The following CCDC149 variants were observed in gnomAD, a reference collection of about 807,000 sequenced individuals.
CCDC149 encodes coiled-coil domain-containing protein 149.
Under a neutral mutation model 59.9 loss-of-function variants are expected in CCDC149, and 45 were observed. The observed-to-expected ratio is 0.75, with a 90% CI of 0.59 to 0.96. CCDC149 has a LOEUF of 0.96. CCDC149 is among the 40% of genes least tolerant of loss of function. The pLI is 0.00. For missense variants in CCDC149, 584 were observed against 664.7 expected, an observed-to-expected ratio of 0.88 and a Z score of 1.33; for synonymous variants, 245 against 260.6, an observed-to-expected ratio of 0.94 and a Z score of 0.58.
At chr4:24,952,595 CAAAAAAAAA>C (rs869310845) in intron 1 of CCDC149, among the ~76,000 whole-genome samples, 2 of 41,412 alleles carry the variant, frequency 4.8e-5, no homozygotes, top group African/African-American at 2.5e-4. Context: ...AACTCCATCT[CAAAAAAAAA>C]AAAAAAAAAA....
In CCDC149 at chr4:24,876,690, A is replaced by G. The variant is rs2109248889; in HGVS notation, c.71T>C (p.Val24Ala). The change falls in exon 2 of 13, where the codon GTG (valine) becomes GCG (alanine). Residue 24 changes from valine to alanine, a missense_variant. Transcript: ENST00000635206. ...CTTACTCTCCAGCTTCCTCTTACAC[A>G]CCAGGTACTGCAAAGCAAACAAATC... The G allele has an allele frequency of 6.2e-7, 1 of 1,610,466 alleles. No individual in the cohort carries two copies. The highest frequency in any genetic ancestry group is 1.1e-5 in the South Asian group (1 of 90,370).
intron 1 of CCDC149, among the ~76,000 whole-genome samples, chr4:24,893,613 C>CTTTTTTT (rs3066508): frequency 0.1 from 6,884 of 65,674 alleles, 2,211 homozygotes; most frequent in South Asian, 0.14. Flanking sequence ...AAAATACAGA[C>CTTTTTTT]TTTTTTTTTT....
chr4:24,810,138 T>A (rs759765269), intron 12 of CCDC149, among the ~76,000 whole-genome samples: 7 of 152,112 alleles, frequency 4.6e-5, no homozygotes, highest in Non-Finnish European at 8.8e-5. Flanking sequence ...AAATAAATCC[T>A]CCCAGCTAAC....
intron 1 of CCDC149, among the ~76,000 whole-genome samples, chr4:24,924,000 T>C (rs1437220815): frequency 6.6e-6 from 1 of 152,156 alleles, no homozygotes; most frequent in Non-Finnish European, 1.5e-5. Context: ...AAGTGTGTTT[T>C]AGCATGTGGG....
intron 9 of CCDC149, chr4:24,830,403 C>T (rs1716065460): frequency 6.6e-6 from 1 of 152,248 alleles, no homozygotes; most frequent in African/African-American, 2.4e-5. Flanking sequence ...CTTCTCCTGT[C>T]AATAAATTAC....
chr4:24,941,414 T>C (rs1722950650), intron 1 of CCDC149, among the ~76,000 whole-genome samples: 1 of 152,150 alleles, frequency 6.6e-6, no homozygotes, highest in Non-Finnish European at 1.5e-5. Context: ...GAGGGAAATT[T>C]ATAGCACTAA....
At chr4:24,905,408 T>TGC (rs1233814880) in intron 1 of CCDC149, among the ~76,000 whole-genome samples, 1 of 70,494 alleles carries the variant, frequency 1.4e-5, no homozygotes, top group Admixed American at 1.6e-4. Context: ...TCTTTTTGCG[T>TGC]GCGTGCGTGT....
intron 12 of CCDC149, among the ~76,000 whole-genome samples, chr4:24,810,046 C>G (rs1004552615): frequency 1.3e-5 from 2 of 152,184 alleles, no homozygotes; most frequent in African/African-American, 4.8e-5. Flanking sequence ...TCATTTCACA[C>G]AGTTTCATCA....
intron 8 of CCDC149, among the ~76,000 whole-genome samples, chr4:24,833,044 C>A (rs565574061): frequency 1.3e-5 from 2 of 152,194 alleles, no homozygotes; most frequent in East Asian, 3.9e-4. Context: ...GGTGCTCCTG[C>A]GTATGTGTCC....
intron 3 of CCDC149, among the ~76,000 whole-genome samples, chr4:24,863,248 C>T (rs1718493994): frequency 6.6e-6 from 1 of 152,306 alleles, no homozygotes; most frequent in Non-Finnish European, 1.5e-5. Context: ...GCCGAGATCA[C>T]ACCACTGCAC....
intron 1 of CCDC149, among the ~76,000 whole-genome samples, chr4:24,897,497 G>C (rs1462151378): frequency 6.6e-6 from 1 of 152,146 alleles, no homozygotes. Flanking sequence ...AGTAATTAAT[G>C]AAATGGAAAG....
chr4:24,821,434 T>C (rs1189366769), intron 10 of CCDC149, among the ~76,000 whole-genome samples: 1 of 152,228 alleles, frequency 6.6e-6, no homozygotes, highest in African/African-American at 2.4e-5. Context: ...ACATGGATCA[T>C]TCAAATCCCC....
chr4:24,974,006 TGC>T (rs1023721369), intron 1 of CCDC149, among the ~76,000 whole-genome samples: 2 of 152,356 alleles, frequency 1.3e-5, no homozygotes, highest in Admixed American at 6.5e-5. Flanking sequence ...CACGGTCAGT[TGC>T]GCCTCTGCTT....
intron 1 of CCDC149, among the ~76,000 whole-genome samples, chr4:24,964,129 G>C (rs921894131): frequency 4.0e-5 from 6 of 149,256 alleles, no homozygotes; most frequent in Non-Finnish European, 5.9e-5. Flanking sequence ...AGGAGGTGGA[G>C]GCTGGCATGA....
intron 1 of CCDC149, among the ~76,000 whole-genome samples, chr4:24,968,008 G>A (rs1723848129): frequency 6.6e-6 from 1 of 152,174 alleles, no homozygotes; most frequent in South Asian, 2.1e-4. Context: ...TAGCCCAGAT[G>A]ATAAAACCAC....
At chr4:24,883,171 T>G (rs1187480050) in intron 1 of CCDC149, among the ~76,000 whole-genome samples, 2 of 150,702 alleles carry the variant, frequency 1.3e-5, no homozygotes, top group East Asian at 3.9e-4. Flanking sequence ...TTGTGGGTCA[T>G]GATATATTAG....
At chr4:24,973,822 G>C (rs1158419474) in intron 1 of CCDC149, among the ~76,000 whole-genome samples, 1 of 152,242 alleles carries the variant, frequency 6.6e-6, no homozygotes, top group African/African-American at 2.4e-5. Context: ...GCTGAGAGCT[G>C]CTTCTTAACC....
chr4:24,917,558 C>G (rs1722165270), upstream of CCDC149, among the ~76,000 whole-genome samples: 1 of 151,962 alleles, frequency 6.6e-6, no homozygotes, highest in Non-Finnish European at 1.5e-5. Context: ...GGAGGATGAC[C>G]AGAAAGGAGC....
At chr4:24,885,860 A>C (rs1720144066) in intron 1 of CCDC149, among the ~76,000 whole-genome samples, 1 of 152,198 alleles carries the variant, frequency 6.6e-6, no homozygotes, top group South Asian at 2.1e-4. Flanking sequence ...TTTTTTGAAT[A>C]TCTACTATGT....
Sources: gnomAD v4.1 joint callset for allele counts (sites outside exome capture counted in the v4.1 genomes callset) on GRCh38, gnomAD v4.1.1 for gene constraint, MANE v1.5 for transcripts, NCBI Gene and HGNC (gene_info 2026-07-23, HGNC 2026-07-21) for gene names.